The following ZNF407 variants were observed in gnomAD, a reference collection of about 807,000 sequenced individuals.
The protein encoded by ZNF407 is zinc finger protein 407.
In ZNF407, 17 loss-of-function variants were observed where a neutral mutation model predicts 131.2. The observed-to-expected ratio is 0.13, with a 90% CI of 0.09 to 0.19. ZNF407 has a LOEUF of 0.19. ZNF407 is among the 10% of genes least tolerant of loss of function. ZNF407 has a pLI of 1.00. For synonymous variants in ZNF407, 1,156 were observed against 1,062.0 expected (o/e 1.09, Z -1.72); for missense variants, 2,681 against 2,830.6 (o/e 0.95, Z 1.20).
chr18:75,026,991 T>C (rs1456381882), intron 8 of ZNF407, among the ~76,000 whole-genome samples: 1 of 152,128 alleles, frequency 6.6e-6, no homozygotes, highest in African/African-American at 2.4e-5. Context: ...TGAATAGGTG[T>C]AAAATAACTG....
chr18:74,720,311 ATGTC>A (rs1967999685), intron 3 of ZNF407, among the ~76,000 whole-genome samples: 1 of 151,610 alleles, frequency 6.6e-6, no homozygotes, highest in Non-Finnish European at 1.5e-5. Flanking sequence ...ATTCATTAAA[ATGTC>A]TGTTCAGATC....
intron 4 of ZNF407, among the ~76,000 whole-genome samples, chr18:74,799,866 C>G (rs1397991957): frequency 7.1e-6 from 1 of 140,274 alleles, no homozygotes; most frequent in Admixed American, 7.1e-5. Context: ...TTCTTAGGTT[C>G]TATTGCAGCA....
At chr18:74,888,116 G>A (rs1165216943) in intron 6 of ZNF407, among the ~76,000 whole-genome samples, 1 of 152,098 alleles carries the variant, frequency 6.6e-6, no homozygotes, top group African/African-American at 2.4e-5. Context: ...TACTCATACA[G>A]CTATCACAAA....
intron 3 of ZNF407, among the ~76,000 whole-genome samples, chr18:74,765,325 TG>T (rs1464524597): frequency 6.6e-6 from 1 of 152,236 alleles, no homozygotes; most frequent in African/African-American, 2.4e-5. Flanking sequence ...TTTGCATGCC[TG>T]GTAATTTTTT....
chr18:74,721,519 G>A (rs1406952953), intron 3 of ZNF407, among the ~76,000 whole-genome samples: 1 of 152,168 alleles, frequency 6.6e-6, no homozygotes, highest in Middle Eastern at 3.2e-3. Flanking sequence ...AAATCTTGTA[G>A]AATGTATAAG....
intron 3 of ZNF407, among the ~76,000 whole-genome samples, chr18:74,671,537 A>G (rs568630874): frequency 9.7e-4 from 147 of 151,704 alleles, no homozygotes; most frequent in Non-Finnish European, 1.7e-3. Context: ...TAGGCCCCCA[A>G]TGTCTTTTGT....
chr18:74,988,965 G>A (rs1026053863), intron 8 of ZNF407, among the ~76,000 whole-genome samples: 19 of 152,092 alleles, frequency 1.2e-4, no homozygotes, highest in Admixed American at 2.0e-4. Context: ...CTAGCCATCC[G>A]ACTCCTAGGT....
At chr18:74,940,283 A>G (rs1972082170) in intron 8 of ZNF407, among the ~76,000 whole-genome samples, 2 of 152,184 alleles carry the variant, frequency 1.3e-5, no homozygotes, top group Admixed American at 6.5e-5. Flanking sequence ...TTAGGATCAA[A>G]CATAACAGAA....
At chr18:75,041,122 A>G in intron 8 of ZNF407, among the ~76,000 whole-genome samples, 1 of 152,200 alleles carries the variant, frequency 6.6e-6, no homozygotes, top group Non-Finnish European at 1.5e-5. Flanking sequence ...TGCCCTGTGC[A>G]ATGGACGTAG....
chr18:74,777,730 A>G, intron 3 of ZNF407, among the ~76,000 whole-genome samples: 1 of 86,498 alleles, frequency 1.2e-5, no homozygotes, highest in Non-Finnish European at 2.8e-5. Context: ...GATCGATCGC[A>G]CTCTCTCTCT....
chr18:74,935,796 G>A (rs558469893), intron 8 of ZNF407, among the ~76,000 whole-genome samples: 10 of 152,242 alleles, frequency 6.6e-5, no homozygotes, highest in African/African-American at 2.2e-4. Context: ...TGAATTGTGC[G>A]GCACATACAG....
chr18:74,772,272 T>G (rs1354801011), intron 3 of ZNF407, among the ~76,000 whole-genome samples: 1 of 152,218 alleles, frequency 6.6e-6, no homozygotes, highest in Non-Finnish European at 1.5e-5. Flanking sequence ...TCTGTAACTA[T>G]AAGCAATATA....
chr18:74,692,531 G>A (rs988931479), intron 3 of ZNF407, among the ~76,000 whole-genome samples: 2 of 152,216 alleles, frequency 1.3e-5, no homozygotes, highest in Middle Eastern at 3.4e-3. Flanking sequence ...GAGTGCCTGA[G>A]CCTCGTGGAT....
intron 6 of ZNF407, among the ~76,000 whole-genome samples, chr18:74,881,904 C>T (rs541182733): frequency 3.9e-5 from 6 of 152,306 alleles, no homozygotes; most frequent in African/African-American, 1.4e-4. Flanking sequence ...AGGAAGACCT[C>T]ACAATCATGG....
intron 8 of ZNF407, among the ~76,000 whole-genome samples, chr18:74,981,214 G>A (rs1217994552): frequency 6.6e-6 from 1 of 152,244 alleles, no homozygotes. Flanking sequence ...ACCTAGTGCA[G>A]AGGCACCCCC....
chr18:74,745,177 TC>T (rs1239632661), intron 3 of ZNF407, among the ~76,000 whole-genome samples: 1 of 152,152 alleles, frequency 6.6e-6, no homozygotes, highest in Non-Finnish European at 1.5e-5. Flanking sequence ...TAATTGGTTA[TC>T]TTGTGGAGAA....
intron 8 of ZNF407, among the ~76,000 whole-genome samples, chr18:74,982,902 A>G (rs770287010): frequency 5.3e-5 from 8 of 152,100 alleles, no homozygotes; most frequent in Non-Finnish European, 1.0e-4. Flanking sequence ...AAACTCATCA[A>G]CCCTGTTCAT....
intron 3 of ZNF407, among the ~76,000 whole-genome samples, chr18:74,696,692 A>G (rs1198226900): frequency 6.6e-6 from 1 of 152,176 alleles, no homozygotes; most frequent in Non-Finnish European, 1.5e-5. Flanking sequence ...GTATGTATGT[A>G]TGTATTTTAT....
intron 3 of ZNF407, among the ~76,000 whole-genome samples, chr18:74,676,561 C>CGAGT (rs1225395355): frequency 2.0e-5 from 3 of 151,790 alleles, no homozygotes; most frequent in African/African-American, 7.3e-5. Context: ...CTCAACCTCC[C>CGAGT]GAGTAGCTGG....
Sources: gnomAD v4.1 joint callset for allele counts (sites outside exome capture counted in the v4.1 genomes callset) on GRCh38, gnomAD v4.1.1 for gene constraint, MANE v1.5 for transcripts, NCBI Gene and HGNC (gene_info 2026-07-23, HGNC 2026-07-21) for gene names.